The following KCNH7 variants were observed in gnomAD, a reference collection of about 807,000 sequenced individuals.
KCNH7 encodes the protein voltage-gated inwardly rectifying potassium channel KCNH7.
KCNH7 carries 49 observed loss-of-function variants against 120.8 expected under a neutral mutation model. The ratio of observed to expected loss-of-function variants is 0.41; its 90% CI spans 0.32 to 0.51. KCNH7 has a LOEUF of 0.51. Ranked by LOEUF, KCNH7 falls within the 20% of genes least tolerant of loss-of-function variation. KCNH7 has a pLI of 0.38. For missense variants in KCNH7, 1,097 were observed against 1,446.6 expected (o/e 0.76, Z 3.92); for synonymous variants, 547 against 516.1 (o/e 1.06, Z -0.81).
chr2:162,394,872 A>G (rs1686860750), intron 11 of KCNH7, among the ~76,000 whole-genome samples: 1 of 151,862 alleles, frequency 6.6e-6, no homozygotes, highest in African/African-American at 2.4e-5. Context: ...AGGTTCACTT[A>G]TACATGAATT....
At chr2:162,728,608 G>A (rs985473922) in intron 2 of KCNH7, among the ~76,000 whole-genome samples, 3 of 152,058 alleles carry the variant, frequency 2.0e-5, no homozygotes, top group Non-Finnish European at 4.4e-5. Flanking sequence ...GAGAAACCCT[G>A]TCTCTACTAA....
chr2:162,631,923 C>T (rs149922907), intron 2 of KCNH7, among the ~76,000 whole-genome samples: 34 of 152,010 alleles, frequency 2.2e-4, no homozygotes, highest in Admixed American at 9.2e-4. Flanking sequence ...CAGAAACCCA[C>T]GCCGAAAAGA....
intron 2 of KCNH7, among the ~76,000 whole-genome samples, chr2:162,815,320 A>T (rs1004028176): frequency 1.3e-5 from 2 of 152,228 alleles, no homozygotes; most frequent in African/African-American, 2.4e-5. Context: ...GAGTAATATT[A>T]AAAAATGAGA....
chr2:162,517,182 G>A (rs751908507), intron 4 of KCNH7, among the ~76,000 whole-genome samples: 4 of 151,708 alleles, frequency 2.6e-5, no homozygotes, highest in Admixed American at 6.6e-5. Flanking sequence ...TTTTCAAGTC[G>A]ATTTTTGTTG....
At chr2:162,523,218 T>C (rs1034924815) in intron 3 of KCNH7, among the ~76,000 whole-genome samples, 2 of 151,840 alleles carry the variant, frequency 1.3e-5, no homozygotes, top group Non-Finnish European at 2.9e-5. Flanking sequence ...GATTTCTCTT[T>C]GAAATAAATA....
chr2:162,595,217 C>T (rs1164526360), intron 2 of KCNH7, among the ~76,000 whole-genome samples: 1 of 151,832 alleles, frequency 6.6e-6, no homozygotes, highest in Admixed American at 6.6e-5. Context: ...TCACAGGGTG[C>T]CAGAATGGAG....
At chr2:162,789,202 C>T (rs940899542) in intron 2 of KCNH7, among the ~76,000 whole-genome samples, 1 of 151,900 alleles carries the variant, frequency 6.6e-6, no homozygotes, top group Admixed American at 6.5e-5. Flanking sequence ...TAAATAAGAA[C>T]ATAATCAAAT....
rs1205963182 is a variant in KCNH7, at chr2:162,581,311, G to C, written c.308-44231C>G. 5.9e-5 allele frequency among the ~76,000 whole-genome samples: 9 copies of C among 152,048 alleles called. 1 individual carries two copies. The stretch of plus-strand genomic sequence containing the variant: ...TTACTTTGCTAATAATTGCACTTTT[G>C]TATCCGTAAGTGATGGAACAAAATT... On this transcript the variant is annotated intron_variant, in intron 2 of 15. Transcript: ENST00000332142.
intron 2 of KCNH7, among the ~76,000 whole-genome samples, chr2:162,741,274 T>C (rs1170800164): frequency 1.3e-5 from 2 of 149,664 alleles, no homozygotes; most frequent in African/African-American, 4.9e-5. Flanking sequence ...TAATAACATA[T>C]GTTATTAGTT....
At chr2:162,438,786 T>A (rs919055298) in intron 7 of KCNH7, among the ~76,000 whole-genome samples, 1 of 152,166 alleles carries the variant, frequency 6.6e-6, no homozygotes, top group African/African-American at 2.4e-5. Context: ...ACACATCTTG[T>A]AGATGATGCT....
rs539852890 is a variant in KCNH7 at position 162,729,686 on chromosome 2, G to A, written c.307+106851C>T. On this transcript the variant is annotated intron_variant, in intron 2 of 15. Coordinates refer to ENST00000332142, the MANE Select transcript of KCNH7 (RefSeq NM_033272.4). ...ATGCTGACTATAAGTAATAAGAGTGGACATTCTTGCTTTATTTTCATTTTG... is the reference window on the plus strand; with the variant it reads ...ATGCTGACTATAAGTAATAAGAGTGAACATTCTTGCTTTATTTTCATTTTG... Among the ~76,000 whole-genome samples the A allele has an allele frequency of 3.7e-3, 560 of 152,184 alleles. 4 individuals carry two copies. Among genetic ancestry groups the A allele is most frequent in the Non-Finnish European group, 5.7e-3 (389 of 68,008 alleles).
At chr2:162,577,480 C>T (rs1256111517) in intron 2 of KCNH7, among the ~76,000 whole-genome samples, 1 of 151,654 alleles carries the variant, frequency 6.6e-6, no homozygotes, top group African/African-American at 2.4e-5. Flanking sequence ...TTTGGAAACT[C>T]GTTACAGAAA....
chr2:162,792,450 C>A (rs1180880902), intron 2 of KCNH7, among the ~76,000 whole-genome samples: 1 of 151,996 alleles, frequency 6.6e-6, no homozygotes, highest in Non-Finnish European at 1.5e-5. Flanking sequence ...AATACTGACT[C>A]AATTTCAGAG....
At chr2:162,476,024 T>C (rs988625373) in intron 6 of KCNH7, among the ~76,000 whole-genome samples, 6 of 152,236 alleles carry the variant, frequency 3.9e-5, no homozygotes, top group Non-Finnish European at 8.8e-5. Flanking sequence ...AAACTGCAAC[T>C]GGAGAAGCCC....
At chr2:162,447,345 G>A in intron 6 of KCNH7, among the ~76,000 whole-genome samples, 1 of 152,036 alleles carries the variant, frequency 6.6e-6, no homozygotes, top group East Asian at 1.9e-4. Flanking sequence ...TTAAGACTAA[G>A]TTTTAAAAAC....
chr2:162,637,955 G>A (rs1215865350), intron 2 of KCNH7, among the ~76,000 whole-genome samples: 1 of 152,068 alleles, frequency 6.6e-6, no homozygotes, highest in Non-Finnish European at 1.5e-5. Flanking sequence ...TACCATGATT[G>A]AGGGAATTCA....
chr2:162,771,767 C>A (rs566753138), intron 2 of KCNH7, among the ~76,000 whole-genome samples: 4 of 151,996 alleles, frequency 2.6e-5, no homozygotes, highest in African/African-American at 7.2e-5. Context: ...ATTTTTATAT[C>A]TTTAGACTAT....
chr2:162,481,663 G>A (rs374735808), intron 6 of KCNH7, among the ~76,000 whole-genome samples: 39 of 152,234 alleles, frequency 2.6e-4, no homozygotes, highest in African/African-American at 8.4e-4. Flanking sequence ...GGCTTGCCTG[G>A]AACTTAGTAT....
intron 2 of KCNH7, among the ~76,000 whole-genome samples, chr2:162,814,615 A>C (rs917178820): frequency 6.6e-6 from 1 of 152,188 alleles, no homozygotes. Context: ...TACAGAGACT[A>C]TTAGGGTGTC....
Sources: gnomAD v4.1 joint callset for allele counts (sites outside exome capture counted in the v4.1 genomes callset) on GRCh38, gnomAD v4.1.1 for gene constraint, MANE v1.5 for transcripts, NCBI Gene and HGNC (gene_info 2026-07-23, HGNC 2026-07-21) for gene names.